KCNN1: variants seen among roughly 807,000 people sequenced by gnomAD.
The protein encoded by KCNN1 is potassium calcium-activated channel subfamily N member 1.
A neutral mutation model predicts 44.7 loss-of-function variants in KCNN1; 20 were observed. That is an observed-to-expected ratio of 0.45 (90% confidence interval 0.32 to 0.65). The LOEUF (loss-of-function observed/expected upper bound fraction) is 0.65. Ranked by LOEUF, KCNN1 falls within the 30% of genes least tolerant of loss-of-function variation. The pLI, the probability that KCNN1 is intolerant of heterozygous loss-of-function variation, is 0.05. For missense variants in KCNN1, 632 were observed against 785.3 expected (o/e 0.80, Z 2.33); for synonymous variants, 324 against 341.7 (o/e 0.95, Z 0.57).
At chr19:17,982,969 C>T (rs902695961) in intron 4 of KCNN1, among the ~76,000 whole-genome samples, 1 of 151,172 alleles carries the variant, frequency 6.6e-6, no homozygotes, top group Non-Finnish European at 1.5e-5. Context: ...GAACCTGGGA[C>T]GCGGAGGTTG....
intron 7 of KCNN1, chr19:17,990,074 T>A (rs1467719630): frequency 4.4e-6 from 3 of 688,730 alleles, no homozygotes; most frequent in East Asian, 2.8e-5. Context: ...TATTTTATTC[T>A]CTGGAATAAC....
chr19:17,972,774 T>C (rs1489695999), intron 1 of KCNN1, among the ~76,000 whole-genome samples: 1 of 152,214 alleles, frequency 6.6e-6, no homozygotes, highest in Non-Finnish European at 1.5e-5. Context: ...TGAGCTCAGA[T>C]GAAAACCACC....
At chr19:17,975,750 A>G (rs1005958088) in intron 3 of KCNN1, among the ~76,000 whole-genome samples, 2 of 145,464 alleles carry the variant, frequency 1.4e-5, no homozygotes, top group South Asian at 4.4e-4. Flanking sequence ...ACAGGGTCTC[A>G]CTCTGTTGCC....
chr19:17,961,586 C>CTTTCTTTTT (rs113710284), intron 2 of KCNN1, among the ~76,000 whole-genome samples: 1 of 130,050 alleles, frequency 7.7e-6, no homozygotes, highest in Non-Finnish European at 1.6e-5. Context: ...TTCTTTCTTT[C>CTTTCTTTTT]TTTTTTTTTT....
Position 17,985,175 on chromosome 19 carries a change from G to C in KCNN1, c.918-137G>C, listed in dbSNP as rs933760985. On this transcript the variant is annotated intron_variant, in intron 4 of 9. Transcript: ENST00000684775. ...GCGGGGGAGAGGGTGCGCCTGTCCT[G>C]TACCCACAGGACATAGCCCCAACGC... 36 of 776,738 alleles carry C rather than the reference G, an allele frequency of 4.6e-5. 1 individual carries two copies. The highest frequency in any genetic ancestry group is 3.8e-6 in the Non-Finnish European group (2 of 520,828). The allele number at this position is 776,738 out of a possible 1,614,324, so 48.1% of individuals were successfully genotyped here. A position where few individuals can be genotyped will look rare whatever the true frequency, so the allele number is the denominator to read the frequency against.
chr19:17,966,838 C>T (rs2145912137), upstream of KCNN1, among the ~76,000 whole-genome samples: 1 of 150,328 alleles, frequency 6.7e-6, no homozygotes, highest in South Asian at 2.1e-4. Flanking sequence ...AGTTTGGGAC[C>T]TAATTTTGGG....
At position 17,993,050 on chromosome 19, in the gene KCNN1, C is replaced by T; in HGVS notation, c.1299-4C>T. ...TTTTCTCCTGCTCTGCCCGGTCCTG[C>T]CAGGGCTCAGAAGTAAGTGTTCTCC... On this transcript the variant is annotated splice_region_variant and splice_polypyrimidine_tract_variant and intron_variant, in intron 7 of 9. Coordinates refer to ENST00000684775, the MANE Select transcript of KCNN1 (RefSeq NM_001386974.1). This position sits in a 1 kb window ranked among gnomAD's most constrained non-coding sequence, Gnocchi z 4.5. 6.2e-7 allele frequency: 1 copy of T among 1,613,694 alleles called. No individual in the cohort carries two copies. The highest frequency in any genetic ancestry group is 8.5e-7 in the Non-Finnish European group (1 of 1,179,782).
At chr19:17,992,253 G>A (rs191942772) in intron 7 of KCNN1, among the ~76,000 whole-genome samples, 1 of 152,236 alleles carries the variant, frequency 6.6e-6, no homozygotes, top group African/African-American at 2.4e-5. Context: ...AACCTGGGAA[G>A]CTGAAGTTGC....
At chr19:17,954,332 C>T (rs926068392) in intron 1 of KCNN1, among the ~76,000 whole-genome samples, 7 of 152,164 alleles carry the variant, frequency 4.6e-5, no homozygotes, top group African/African-American at 1.7e-4. Context: ...TGGCAGGCAC[C>T]TGTAATCCCA....
chr19:17,988,431 C>T lies in KCNN1; in HGVS notation c.1076C>T (p.Ala359Val), dbSNP rs1234350623. Residue 359 changes from alanine (A) to valine (V), a missense_variant, in exon 6 of 10, where the codon GCG becomes GTG. This residue lies in a region of KCNN1 where 160 missense variants were observed against 308.3 expected (regional missense o/e 0.52). Coordinates refer to ENST00000684775, the MANE Select transcript of KCNN1 (RefSeq NM_001386974.1). Reference sequence around the variant, plus strand: ...TGCACACAGGGAGCTGGCTGTACCGCGCTCGTGGTGGCTGTGGTGGCTCGG... The same window carrying T: ...TGCACACAGGGAGCTGGCTGTACCGTGCTCGTGGTGGCTGTGGTGGCTCGG... ...LTGIMGAGCT[A>V]LVVAVVARKL... 1.2e-6 allele frequency: 2 copies of T among 1,612,814 alleles called. No individual in the cohort carries two copies. The highest frequency in any genetic ancestry group is 1.1e-5 in the South Asian group (1 of 90,894).
chr19:17,961,486 C>G (rs569315636), intron 2 of KCNN1, among the ~76,000 whole-genome samples: 2 of 151,958 alleles, frequency 1.3e-5, no homozygotes, highest in African/African-American at 4.8e-5. Flanking sequence ...CTGCAATGGG[C>G]GTGATCGTGC....
chr19:17,957,240 GAAGGGGAAAGGGAAAGGGA>G (rs1299438028), intron 2 of KCNN1, among the ~76,000 whole-genome samples: 1 of 84,426 alleles, frequency 1.2e-5, no homozygotes, highest in Admixed American at 1.4e-4. Context: ...GGATGGTGGG[GAAGGGGAAAGGGAAAGGGA>G]AAGGGGAAAG....
In KCNN1 at chr19:17,993,399, G is replaced by C; in HGVS notation, c.1308-91G>C. 1 of 913,322 alleles carries C rather than the reference G, an allele frequency of 1.1e-6. No homozygotes were observed. The highest frequency in any genetic ancestry group is 1.8e-6 in the Non-Finnish European group (1 of 566,424). The allele number at this position is 913,322 out of a possible 1,614,324, so 56.6% of individuals were successfully genotyped here. A position where few individuals can be genotyped will look rare whatever the true frequency, so the allele number is the denominator to read the frequency against. ...ATCCTCTGATGCATGTCCCATAGGTGACCCCGGGTGGGTGCATGAAAGTCC... is the reference window on the plus strand; with the variant it reads ...ATCCTCTGATGCATGTCCCATAGGTCACCCCGGGTGGGTGCATGAAAGTCC... On this transcript the variant is annotated intron_variant, in intron 8 of 9. Coordinates refer to ENST00000684775, the MANE Select transcript of KCNN1 (RefSeq NM_001386974.1). This position sits in a 1 kb window ranked among gnomAD's most constrained non-coding sequence, Gnocchi z 4.5.
In KCNN1 at chr19:17,998,414, G is replaced by A. The variant is rs1487880997; in HGVS notation, c.*8G>A. 1 of 1,466,076 alleles carries A rather than the reference G, an allele frequency of 6.8e-7. No individual in the cohort carries two copies. The highest frequency in any genetic ancestry group is 2.5e-5 in the Admixed American group (1 of 40,510). The allele number at this position is 1,466,076 out of a possible 1,614,324, so 90.8% of individuals were successfully genotyped here. ...CCCTCGGACTGCGGGTGACGGCCCT[G>A]CCCGCCACCAGACCCCTAAATCTTG... On this transcript the variant is annotated 3_prime_UTR_variant, in exon 10 of 10. Coordinates refer to ENST00000684775, the MANE Select transcript of KCNN1 (RefSeq NM_001386974.1). The surrounding 1 kb of genome is among the most constrained non-coding windows in gnomAD (Gnocchi z 5.4).
chr19:17,980,363 G>C (rs2032363895), intron 3 of KCNN1, among the ~76,000 whole-genome samples: 1 of 150,448 alleles, frequency 6.6e-6, no homozygotes, highest in Non-Finnish European at 1.5e-5. Context: ...ATTACAGGCA[G>C]GAGCCACTGC....
In KCNN1 at chr19:17,973,929, TG is replaced by T; in HGVS notation, c.44del (p.Gly15AlafsTer31). The T allele has an allele frequency of 6.4e-7, 1 of 1,556,042 alleles. No homozygotes were observed. The highest frequency in any genetic ancestry group is 8.7e-7 in the Non-Finnish European group (1 of 1,152,086). On this transcript the variant is annotated frameshift_variant, in exon 2 of 10. Transcript: ENST00000684775. Reference protein sequence around the residue: ...HSYNGSVGRPLGSGPGALGRD... With the variant: ...HSYNGSVGRPXGSGPGALGRD... The stretch of plus-strand genomic sequence containing the variant: ...TACAATGGCAGCGTGGGGCGGCCGC[TG>T]GGCAGCGGGCCGGGCGCCCTGGGAC...
At chr19:17,981,626 ACT>A (rs1193071006) in intron 3 of KCNN1, 81 bp from the exon 4 acceptor site, 8 of 1,245,696 alleles carry the variant, frequency 6.4e-6, no homozygotes, top group Admixed American at 2.8e-5. Context: ...GGCTGACGTC[ACT>A]CTCTGGGGGC....
chr19:17,961,770 AC>A (rs1448328409), intron 2 of KCNN1, among the ~76,000 whole-genome samples: 4 of 152,106 alleles, frequency 2.6e-5, no homozygotes, highest in Middle Eastern at 3.4e-3. Context: ...TTTAGTAGAA[AC>A]AGGGTTTCAC....
chr19:17,968,917 C>G (rs2031916181), intron 1 of KCNN1, among the ~76,000 whole-genome samples: 1 of 152,112 alleles, frequency 6.6e-6, no homozygotes, highest in South Asian at 2.1e-4. Flanking sequence ...GTCTCGAGCT[C>G]CTGGGCTGAA....
Sources: gnomAD v4.1 joint callset for allele counts (sites outside exome capture counted in the v4.1 genomes callset) on GRCh38, gnomAD v4.1.1 for gene constraint, gnomAD v4.1.1 regional missense constraint, Gnocchi (gnomAD v3.1) non-coding constraint, MANE v1.5 for transcripts, NCBI Gene and HGNC (gene_info 2026-07-23, HGNC 2026-07-21) for gene names.